Variants in IGF1 observed in about 807,000 individuals in gnomAD.
IGF1 encodes insulin like growth factor 1.
IGF1 carries 4 observed loss-of-function variants against 13.8 expected under a neutral mutation model. That is an observed-to-expected ratio of 0.29 (90% CI 0.14 to 0.66). The LOEUF (loss-of-function observed/expected upper bound fraction) is 0.66, where lower values mean the gene tolerates loss of function less well. Ranked by LOEUF, IGF1 falls within the 30% of genes least tolerant of loss-of-function variation. The pLI is 0.78. For missense variants in IGF1, 124 were observed against 188.5 expected (o/e 0.66, Z 2.00); for synonymous variants, 76 against 72.6 (o/e 1.05, Z -0.23).
chr12:102,430,659 C>CT (rs1876658319), intron 2 of IGF1, among the ~76,000 whole-genome samples: 2 of 152,214 alleles, frequency 1.3e-5, no homozygotes, highest in Non-Finnish European at 2.9e-5. Context: ...TTTTAATCTA[C>CT]TTCTAAAGAC....
At chr12:102,451,901 C>T (rs1878971156) in intron 2 of IGF1, among the ~76,000 whole-genome samples, 1 of 152,122 alleles carries the variant, frequency 6.6e-6, no homozygotes, top group Non-Finnish European at 1.5e-5. Context: ...AGTGAGTTCT[C>T]ATGCGATCTA....
intron 2 of IGF1, among the ~76,000 whole-genome samples, chr12:102,441,961 T>TCTTCTTC (rs1592786145): frequency 4.3e-4 from 6 of 13,982 alleles, no homozygotes; most frequent in African/African-American, 7.3e-4. Context: ...TCTTCTTTTT[T>TCTTCTTC]TTTTTTGAGA....
At chr12:102,480,827 GA>G (rs1283064437), upstream of IGF1, among the ~76,000 whole-genome samples, 3 of 152,188 alleles carry the variant, frequency 2.0e-5, no homozygotes, top group Non-Finnish European at 2.9e-5. Context: ...AGAAAATAAG[GA>G]TCTGTTTTCT....
chr12:102,452,655 C>T (rs140854082), intron 2 of IGF1, among the ~76,000 whole-genome samples: 69 of 152,262 alleles, frequency 4.5e-4, no homozygotes, highest in African/African-American at 1.6e-3. Context: ...ATTATTGACC[C>T]TCTGAGTTTG....
intron 1 of IGF1, chr12:102,478,459 A>G (rs1383920733): frequency 1.3e-6 from 2 of 1,538,468 alleles, no homozygotes; most frequent in Non-Finnish European, 1.8e-6. Flanking sequence ...GTAAAATTTG[A>G]GGGCAACAGT....
Position 102,432,555 on chromosome 12 carries a change from C to T in IGF1, c.221-12865G>A, listed in dbSNP as rs116534775. On this transcript the variant is annotated intron_variant, in intron 2 of 3. Coordinates refer to ENST00000337514, the MANE Select transcript of IGF1 (RefSeq NM_000618.5). ...TTTTCTCCCGGGATTAGAAAAGAGA[C>T]AGCCAAGGTGGAGCACAGACAGGGA... Among the ~76,000 whole-genome samples, 905 of 152,304 alleles carry T rather than the reference C, an allele frequency of 5.9e-3. 8 individuals carry two copies. Among genetic ancestry groups the T allele is most frequent in the African/African-American group, 0.019 (795 of 41,556 alleles).
chr12:102,417,770 G>C (rs375681523), intron 3 of IGF1: 1 of 1,609,758 alleles, frequency 6.2e-7, no homozygotes, highest in Non-Finnish European at 8.5e-7. Context: ...CTTGCTGTCT[G>C]CTCCTCTCTC....
chr12:102,477,687 G>A (rs17883689), intron 1 of IGF1, among the ~76,000 whole-genome samples: 236 of 152,174 alleles, frequency 1.6e-3, no homozygotes, highest in African/African-American at 5.4e-3. Context: ...CCCACACTGC[G>A]GGAATGGGCC....
intron 2 of IGF1, among the ~76,000 whole-genome samples, chr12:102,433,026 G>C (rs1876879395): frequency 6.6e-6 from 1 of 152,144 alleles, no homozygotes; most frequent in South Asian, 2.1e-4. Context: ...GGGAGAGTTT[G>C]CATCCTAAAT....
chr12:102,438,938 C>T (rs1286085466), intron 2 of IGF1, among the ~76,000 whole-genome samples: 5 of 152,188 alleles, frequency 3.3e-5, no homozygotes, highest in Admixed American at 3.3e-4. Flanking sequence ...TCAAATTTGA[C>T]ATGGTCTTGT....
intron 2 of IGF1, among the ~76,000 whole-genome samples, chr12:102,460,574 A>G (rs971497500): frequency 6.6e-6 from 1 of 152,190 alleles, no homozygotes; most frequent in African/African-American, 2.4e-5. Flanking sequence ...ACTTCCATAC[A>G]TTTTACTAAA....
intron 3 of IGF1, among the ~76,000 whole-genome samples, chr12:102,405,915 C>T (rs982278216): frequency 1.3e-5 from 2 of 152,176 alleles, no homozygotes; most frequent in African/African-American, 4.8e-5. Flanking sequence ...TTTTTTGTCT[C>T]CAATAGAGAG....
rs1448358895 is a variant in IGF1 at position 102,434,314 on chromosome 12, A to C, written c.221-14624T>G. Among the ~76,000 whole-genome samples the C allele has an allele frequency of 2.3e-4, 24 of 103,256 alleles. No homozygotes were observed. In the Middle Eastern group the frequency reaches 0.02, roughly 85 times the overall value. The allele number at this position is 103,256 out of a possible 152,430, so 67.7% of individuals were successfully genotyped here. A position where few individuals can be genotyped will look rare whatever the true frequency, so the allele number is the denominator to read the frequency against. On this transcript the variant is annotated intron_variant, in intron 2 of 3. Transcript: ENST00000337514. ...TCCCTCCCCCCTCCCCCCACCCCACAACAGTCCCCAGAGTGTGATGTTCCC... is the reference window on the plus strand; with the variant it reads ...TCCCTCCCCCCTCCCCCCACCCCACCACAGTCCCCAGAGTGTGATGTTCCC...
intron 3 of IGF1, among the ~76,000 whole-genome samples, chr12:102,416,956 A>G (rs984592447): frequency 6.6e-6 from 1 of 152,176 alleles, no homozygotes; most frequent in African/African-American, 2.4e-5. Context: ...ATGTTTAGAC[A>G]CAGAGATATG....
At chr12:102,443,439 A>C in intron 2 of IGF1, among the ~76,000 whole-genome samples, 1 of 152,134 alleles carries the variant, frequency 6.6e-6, no homozygotes, top group East Asian at 1.9e-4. Flanking sequence ...GTGAAATAGA[A>C]ATCTAGAAAT....
intron 2 of IGF1, among the ~76,000 whole-genome samples, chr12:102,420,997 A>C (rs1875662378): frequency 6.6e-6 from 1 of 152,062 alleles, no homozygotes; most frequent in Non-Finnish European, 1.5e-5. Context: ...TGTATTTTGC[A>C]CTCCCTCATT....
intron 2 of IGF1, among the ~76,000 whole-genome samples, chr12:102,436,774 C>G (rs749881855): frequency 1.3e-5 from 2 of 152,206 alleles, no homozygotes; most frequent in Non-Finnish European, 2.9e-5. Flanking sequence ...TAGAATCAAT[C>G]TCACTGAGGA....
In IGF1 at chr12:102,402,310, C is replaced by T. The variant is rs1592729693; in HGVS notation, c.*197G>A. 12 of 602,756 alleles carry T rather than the reference C, an allele frequency of 2.0e-5. No individual in the cohort carries two copies. The South Asian group carries it at 2.4e-4, about 12-fold the overall frequency. The allele number at this position is 602,756 out of a possible 1,614,324, so 37.3% of individuals were successfully genotyped here. On this transcript the variant is annotated 3_prime_UTR_variant, in exon 4 of 4. Coordinates refer to ENST00000337514, the MANE Select transcript of IGF1 (RefSeq NM_000618.5). ...CAACAGCAATCTACCAACTCCAGGACCATTTTTGCAAGGTGCAAATCACTC... is the reference window on the plus strand; with the variant it reads ...CAACAGCAATCTACCAACTCCAGGATCATTTTTGCAAGGTGCAAATCACTC...
intron 3 of IGF1, chr12:102,417,524 T>C (rs2136991390): frequency 9.3e-7 from 1 of 1,073,284 alleles, no homozygotes; most frequent in Non-Finnish European, 1.1e-6. Context: ...AATTGTGTTT[T>C]AGAGGCAGAG....
Sources: allele counts gnomAD v4.1 joint callset (sites outside exome capture counted in the v4.1 genomes callset), GRCh38; gene constraint gnomAD v4.1.1; transcripts MANE v1.5; gene names NCBI Gene and HGNC (gene_info 2026-07-23, HGNC 2026-07-21).